The following SYN1 variants were observed in gnomAD, a reference collection of about 807,000 sequenced individuals.
The protein encoded by SYN1 is synapsin-1.
SYN1 carries 8 observed loss-of-function variants against 44.6 expected under a neutral mutation model. That is an observed-to-expected ratio of 0.18 (90% CI 0.11 to 0.32). SYN1 has a LOEUF of 0.32. Ranked by LOEUF, SYN1 falls within the 10% of genes least tolerant of loss-of-function variation. The pLI, the probability that SYN1 is intolerant of heterozygous loss-of-function variation, is 1.00. For synonymous variants in SYN1, 275 were observed against 280.1 expected, an observed-to-expected ratio of 0.98 and a Z score of 0.18; for missense variants, 451 against 639.4, an observed-to-expected ratio of 0.71 and a Z score of 3.18.
intron 5 of SYN1, chrX:47,586,759 G>C (rs375327708): frequency 2.6e-5 from 29 of 1,135,460 alleles, no homozygotes; most frequent in East Asian, 2.4e-4. Flanking sequence ...TCTTTCTTCC[G>C]GACAATGAAA....
chrX:47,573,990 G>C lies in SYN1; in HGVS notation c.1982+12C>G, dbSNP rs1458222412. 8.9e-7 allele frequency: 1 copy of C among 1,127,787 alleles called. No individual in the cohort carries two copies. The highest frequency in any genetic ancestry group is 1.2e-6 in the Non-Finnish European group (1 of 859,144). 92.9% of individuals were successfully genotyped at this position (1,127,787 alleles called of 1,213,427 possible). On this transcript the variant is annotated intron_variant, in intron 12 of 12. Transcript: ENST00000295987. Reference sequence around the variant, plus strand: ...AGCAGCAAGGCGAAGGCTGCTGTAGGGGTCCCCTTACTTGAGCTGGGGGTG... The same window carrying C: ...AGCAGCAAGGCGAAGGCTGCTGTAGCGGTCCCCTTACTTGAGCTGGGGGTG...
chrX:47,585,099 G>A, intron 5 of SYN1: 5 of 1,169,644 alleles, frequency 4.3e-6, no homozygotes, highest in Non-Finnish European at 5.8e-6. Context: ...ACTGGTTGGT[G>A]CGAGAAAGTT....
At position 47,606,859 on chromosome X, in the gene SYN1, G is replaced by C. The variant is rs1361508217; in HGVS notation, c.527+86C>G. 3 of 914,911 alleles carry C rather than the reference G, an allele frequency of 3.3e-6. No individual in the cohort carries two copies. In the African/African-American group the frequency reaches 6.0e-5, roughly 18 times the overall value. The allele number at this position is 914,911 out of a possible 1,213,427, so 75.4% of individuals were successfully genotyped here. On this transcript the variant is annotated intron_variant, in intron 3 of 12. Coordinates refer to ENST00000295987, the MANE Select transcript of SYN1 (RefSeq NM_006950.3). ...CTAAGTTCTTGCCCACAGAAGGATG[G>C]GTGGGGAGGTAGGAACTTTCCCCCA...
At chrX:47,575,413 A>G (rs2057774677) in intron 9 of SYN1, 139 bp from the exon 10 acceptor site, 1 of 806,792 alleles carries the variant, frequency 1.2e-6, no homozygotes, top group African/African-American at 2.1e-5. Flanking sequence ...ACGGTGAGGA[A>G]GGCTTGTCTG....
chrX:47,617,943 A>G (rs1238186757), intron 1 of SYN1, among the ~76,000 whole-genome samples: 1 of 111,742 alleles, frequency 8.9e-6, no homozygotes, highest in African/African-American at 3.3e-5. Context: ...GGCTCACTGC[A>G]TCCCTGAAGG....
chrX:47,585,785 C>T (rs2057822906), intron 5 of SYN1: 1 of 1,158,556 alleles, frequency 8.6e-7, no homozygotes. Context: ...CTCCCCAACC[C>T]TAAGGGCTGT....
intron 3 of SYN1, among the ~76,000 whole-genome samples, chrX:47,606,029 A>T (rs1039028118): frequency 3.7e-5 from 4 of 109,215 alleles, no homozygotes; most frequent in Non-Finnish European, 7.6e-5. Flanking sequence ...AGTAGCTGGG[A>T]TTACAGGCAC....
In SYN1 at chrX:47,574,782, C is replaced by T; in HGVS notation, c.1306-7G>A. 8.5e-7 allele frequency: 1 copy of T among 1,177,425 alleles called. No homozygotes were observed. The highest frequency in any genetic ancestry group is 1.1e-6 in the Non-Finnish European group (1 of 875,698). ...GGGCCCCTGGGGACGGAGTCTGCGGCAGAGGAATGGAGCAGGAGAGGTTAA... is the reference window on the plus strand; with the variant it reads ...GGGCCCCTGGGGACGGAGTCTGCGGTAGAGGAATGGAGCAGGAGAGGTTAA... On this transcript the variant is annotated splice_polypyrimidine_tract_variant and splice_region_variant and intron_variant, in intron 10 of 12. Coordinates refer to ENST00000295987, the MANE Select transcript of SYN1 (RefSeq NM_006950.3).
intron 5 of SYN1, among the ~76,000 whole-genome samples, chrX:47,598,655 G>A (rs966743280): frequency 3.6e-5 from 4 of 111,186 alleles, no homozygotes; most frequent in African/African-American, 1.3e-4. Flanking sequence ...GTGAAACCCC[G>A]CCTCAATTAA....
intron 1 of SYN1, among the ~76,000 whole-genome samples, chrX:47,615,431 G>A (rs1401286064): frequency 2.7e-5 from 3 of 111,806 alleles, no homozygotes; most frequent in East Asian, 2.8e-4. Flanking sequence ...ATTACATACC[G>A]TATGTCATAT....
chrX:47,606,599 C>T lies in SYN1; in HGVS notation c.527+346G>A, dbSNP rs772203904. On this transcript the variant is annotated intron_variant, in intron 3 of 12. Coordinates refer to ENST00000295987, the MANE Select transcript of SYN1 (RefSeq NM_006950.3). ...TAAAAATTAGCTAGGCATGGTGGTG[C>T]GCACCTGTAGTCTCAGCTACTTGGG... Among the ~76,000 whole-genome samples the T allele has an allele frequency of 9.2e-5, 10 of 108,326 alleles. No homozygotes were observed. The South Asian group carries it at 2.4e-3, about 26-fold the overall frequency. 94.1% of individuals were successfully genotyped at this position (108,326 alleles called of 115,157 possible).
In SYN1 at chrX:47,574,529, C is replaced by T. The variant is rs1302222032; in HGVS notation, c.1455G>A (p.Pro485=). Residue 485 remains proline (P), a synonymous_variant, in exon 12 of 13, where the codon CCG becomes CCA. Coordinates refer to ENST00000295987, the MANE Select transcript of SYN1 (RefSeq NM_006950.3). Reference sequence around the variant, plus strand: ...AAAGGTGCTGCTGGCCCTGCGGGGGCGGGCGCTGCTGCAATGGGGGTCCCT... The same window carrying T: ...AAAGGTGCTGCTGGCCCTGCGGGGGTGGGCGCTGCTGCAATGGGGGTCCCT... The part of the protein sequence containing the change: ...QRQGPPLQQR[P]PPQGQQHLSG... 1.9e-6 allele frequency: 2 copies of T among 1,079,836 alleles called. No individual in the cohort carries two copies. The highest frequency in any genetic ancestry group is 3.8e-5 in the African/African-American group (2 of 52,039). 89.0% of individuals were successfully genotyped at this position (1,079,836 alleles called of 1,213,427 possible). A position where few individuals can be genotyped will look rare whatever the true frequency, so the allele number is the denominator to read the frequency against.
intron 5 of SYN1, among the ~76,000 whole-genome samples, chrX:47,577,874 TG>T (rs546839289): frequency 1.7e-3 from 28 of 16,902 alleles, no homozygotes; most frequent in African/African-American, 2.3e-3. Context: ...TGTGTGGGGG[TG>T]GGGGGGGTGG....
intron 5 of SYN1, among the ~76,000 whole-genome samples, chrX:47,592,383 G>A (rs1234700280): frequency 1.8e-5 from 2 of 110,185 alleles, no homozygotes; most frequent in Non-Finnish European, 3.8e-5. Flanking sequence ...TGAAATCTTC[G>A]TAAAATGTCT....
intron 5 of SYN1, among the ~76,000 whole-genome samples, chrX:47,598,611 A>G (rs1295874561): frequency 1.8e-5 from 2 of 111,666 alleles, no homozygotes; most frequent in Non-Finnish European, 1.9e-5. Flanking sequence ...GCAGATCACA[A>G]GGTCAGGAGT....
chrX:47,586,095 C>T, intron 5 of SYN1: 2 of 945,113 alleles, frequency 2.1e-6, no homozygotes, highest in East Asian at 6.4e-5. Context: ...GGGTGTTACA[C>T]TGACCTCCTG....
rs760401568 is a variant in SYN1, at chrX:47,577,459, C to T, written c.817G>A (p.Ala273Thr). ...TYPVVVKMGHAHSGMGKVKVD... is the reference protein window; with the variant it reads ...TYPVVVKMGHTHSGMGKVKVD... ...CTCACCTTGCCCATCCCAGAGTGTG[C>T]GTGCCCCATCTTCACAACCACGGGG... is the stretch of plus-strand genomic sequence containing the variant. The change falls in exon 6 of 13, where the codon GCA becomes ACA. Residue 273 changes from alanine (A) to threonine (T), a missense_variant. Physicochemically the swap from Ala to Thr is moderately conservative, Grantham distance 58. Around this residue, in one of 3 missense-constraint regions of SYN1, gnomAD observed 315 missense variants for 451.4 expected, o/e 0.70. Coordinates refer to ENST00000295987, the MANE Select transcript of SYN1 (RefSeq NM_006950.3). 8 of 1,207,070 alleles carry T rather than the reference C, an allele frequency of 6.6e-6. No homozygotes were observed. Among genetic ancestry groups the T allele is most frequent in the Non-Finnish European group, 9.0e-6 (8 of 893,250 alleles).
chrX:47,587,876 G>A (rs2057832991), intron 5 of SYN1, among the ~76,000 whole-genome samples: 1 of 111,089 alleles, frequency 9.0e-6, no homozygotes, highest in Admixed American at 9.6e-5. Flanking sequence ...TGACCTGAAC[G>A]TGCTTGAAAA....
intron 5 of SYN1, among the ~76,000 whole-genome samples, chrX:47,600,281 T>C (rs1273269503): frequency 6.3e-5 from 7 of 110,865 alleles, no homozygotes; most frequent in Non-Finnish European, 1.3e-4. Context: ...AACCTCCACT[T>C]TCTGGGCTCA....
Sources: gnomAD v4.1 joint callset for allele counts (sites outside exome capture counted in the v4.1 genomes callset) on GRCh38, gnomAD v4.1.1 for gene constraint, gnomAD v4.1.1 regional missense constraint, MANE v1.5 for transcripts, NCBI Gene and HGNC (gene_info 2026-07-23, HGNC 2026-07-21) for gene names.